Variants in ARPC1B observed in about 807,000 individuals in gnomAD.
ARPC1B encodes the protein actin-related protein 2/3 complex subunit 1B.
A neutral mutation model predicts 46.0 loss-of-function variants in ARPC1B; 29 were observed. The ratio of observed to expected loss-of-function variants is 0.63; its 90% CI spans 0.47 to 0.86. The LOEUF (loss-of-function observed/expected upper bound fraction) is 0.86. ARPC1B is among the 40% of genes least tolerant of loss of function. The pLI, the probability that ARPC1B is intolerant of heterozygous loss-of-function variation, is 0.00. For synonymous variants in ARPC1B, 201 were observed against 213.9 expected, an observed-to-expected ratio of 0.94 and a Z score of 0.53; for missense variants, 469 against 529.4, an observed-to-expected ratio of 0.89 and a Z score of 1.12.
rs913376617 is a variant in ARPC1B at position 99,394,592 on chromosome 7, C to T, written c.*103C>T. 3.8e-5 allele frequency: 60 copies of T among 1,585,232 alleles called. No homozygotes were observed. The highest frequency in any genetic ancestry group is 4.6e-5 in the Non-Finnish European group (54 of 1,165,242). ...GCTGAATGTTTCTGGGGTACCAATA[C>T]GAGTTCCCATAGGGGCTGCTCCCTC... is the stretch of plus-strand genomic sequence containing the variant. On this transcript the variant is annotated 3_prime_UTR_variant, in exon 10 of 10. Transcript: ENST00000646101.
chr7:99,392,697 C>G lies in ARPC1B; in HGVS notation c.810C>G (p.Phe270Leu). The G allele has an allele frequency of 6.5e-7, 1 of 1,542,286 alleles. No individual in the cohort carries two copies. The highest frequency in any genetic ancestry group is 8.8e-7 in the Non-Finnish European group (1 of 1,141,366). Residue 270 changes from phenylalanine (F) to leucine (L), a missense_variant, in exon 8 of 10, where the codon TTC (phenylalanine) becomes TTG (leucine). Coordinates refer to ENST00000646101, the MANE Select transcript of ARPC1B (RefSeq NM_005720.4). ...AAGHDCFPVL[F>L]TYDAAAGMLS... Reference sequence around the variant, plus strand: ...GCCACGACTGCTTCCCGGTGCTGTTCACCTATGACGCCGCCGCGGGGATGC... The same window carrying G: ...GCCACGACTGCTTCCCGGTGCTGTTGACCTATGACGCCGCCGCGGGGATGC...
rs986616545 is a variant in ARPC1B at position 99,374,755 on chromosome 7, C to T, written c.-40C>T. Reference sequence around the variant, plus strand: ...AGAGCCGGTTCGGCGCGTCGACTGCCCAGAGTCCGCGGCCGGGGCGCGGGA... The same window carrying T: ...AGAGCCGGTTCGGCGCGTCGACTGCTCAGAGTCCGCGGCCGGGGCGCGGGA... On this transcript the variant is annotated 5_prime_UTR_variant, in exon 1 of 10. Coordinates refer to ENST00000646101, the MANE Select transcript of ARPC1B (RefSeq NM_005720.4). This position sits in a 1 kb window ranked among gnomAD's most constrained non-coding sequence, Gnocchi z 5.0. 6.6e-6 allele frequency: 1 copy of T among 152,100 alleles called. No homozygotes were observed. The highest frequency in any genetic ancestry group is 2.0e-4 in the East Asian group (1 of 5,128). 9.4% of individuals were successfully genotyped at this position (152,100 alleles called of 1,614,324 possible).
intron 5 of ARPC1B, among the ~76,000 whole-genome samples, chr7:99,390,524 A>G (rs1794537989): frequency 1.3e-5 from 2 of 151,488 alleles, no homozygotes; most frequent in African/African-American, 4.9e-5. Flanking sequence ...CTACAGGCGC[A>G]TGCCACCATG....
At chr7:99,378,734 A>G (rs187047007) in intron 1 of ARPC1B, among the ~76,000 whole-genome samples, 96 of 151,616 alleles carry the variant, frequency 6.3e-4, no homozygotes, top group Non-Finnish European at 1.2e-3. Context: ...TCTTAGGACC[A>G]AATGGGTGTA....
Position 99,385,660 on chromosome 7 carries a change from G to T in ARPC1B, c.-13-42G>T, listed in dbSNP as rs764849403. On this transcript the variant is annotated intron_variant, in intron 1 of 9. Coordinates refer to ENST00000646101, the MANE Select transcript of ARPC1B (RefSeq NM_005720.4). The stretch of plus-strand genomic sequence containing the variant: ...TGGTATGGGTGAAGTCAGGGGCAAG[G>T]TTGGGGCTGACGTGGATTCTCTCTT... 59 of 1,559,462 alleles carry T rather than the reference G, an allele frequency of 3.8e-5. No individual in the cohort carries two copies. The Admixed American group carries it at 1.1e-3, about 29-fold the overall frequency.
rs774520107 is a variant in ARPC1B at position 99,391,133 on chromosome 7, G to C, written c.707+34G>C. The C allele has an allele frequency of 1.9e-6, 3 of 1,613,200 alleles. No homozygotes were observed. The African/African-American group carries it at 4.0e-5, about 22-fold the overall frequency. On this transcript the variant is annotated intron_variant, in intron 6 of 9. Transcript: ENST00000646101. ...AGGCCATCCCCAGGGGAGGAGGTGA[G>C]TGCAGAGGAGTGGGACACCGTGACT... is the stretch of plus-strand genomic sequence containing the variant.
At chr7:99,386,897 T>C in intron 3 of ARPC1B, 108 bp downstream of exon 3, 1 of 818,634 alleles carries the variant, frequency 1.2e-6, no homozygotes, top group Non-Finnish European at 2.0e-6. Context: ...CCACTCACCG[T>C]GAAACCCGGA....
upstream of ARPC1B, chr7:99,374,351 G>C (rs1793973504): frequency 6.6e-6 from 1 of 152,156 alleles, no homozygotes; most frequent in Non-Finnish European, 1.5e-5. This position sits in a 1 kb window ranked among gnomAD's most constrained non-coding sequence, Gnocchi z 5.0. Context: ...CTGCGTGTGA[G>C]CGCGGAGCCC....
rs374160496 is a variant in ARPC1B, at chr7:99,388,079, C to T, written c.210C>T (p.Cys70=). The T allele has an allele frequency of 2.5e-5, 41 of 1,613,216 alleles. No individual in the cohort carries two copies. The highest frequency in any genetic ancestry group is 1.8e-4 in the East Asian group (8 of 44,836). ...CCGAGAGTAACCGTATTGTGACCTGCGGCACAGACCGCAACGCCTACGTGT... is the reference window on the plus strand; with the variant it reads ...CCGAGAGTAACCGTATTGTGACCTGTGGCACAGACCGCAACGCCTACGTGT... The part of the protein sequence containing the change: ...WAPESNRIVT[C]GTDRNAYVWT... Residue 70 remains cysteine, a synonymous_variant, in exon 4 of 10, where the codon TGC becomes TGT. Transcript: ENST00000646101.
rs1287247069 is a variant in ARPC1B at position 99,386,777 on chromosome 7, G to A, written c.157G>A (p.Gly53Arg). Residue 53 changes from glycine (G) to arginine (R), a missense_variant, in exon 3 of 10, where the codon GGG becomes AGG. Gly to Arg is a moderately radical substitution (Grantham distance 125, BLOSUM62 -2). Coordinates refer to ENST00000646101, the MANE Select transcript of ARPC1B (RefSeq NM_005720.4). ...GGTGCACGAGCTCAAGGAGCACAAC[G>A]GGCAGGTGACAGGTATGTCAGGGTG... is the stretch of plus-strand genomic sequence containing the variant. ...TKVHELKEHN[G>R]QVTGIDWAPE... 3.1e-6 allele frequency: 5 copies of A among 1,613,610 alleles called. No individual in the cohort carries two copies. Among genetic ancestry groups the A allele is most frequent in the Non-Finnish European group, 2.5e-6 (3 of 1,179,712 alleles).
intron 9 of ARPC1B, 21 bp downstream of exon 9, chr7:99,394,140 CTTCCCGCCATGCCTCCCAGGTCAACCCT>C (rs1794685136): frequency 3.1e-6 from 5 of 1,611,072 alleles, no homozygotes; most frequent in Admixed American, 1.7e-5. Context: ...CCCCTCCTGG[CTTCCCGCCATGCCTCCCAGGTCAACCCT>C]TTCCCCCCAT....
intron 1 of ARPC1B, among the ~76,000 whole-genome samples, chr7:99,375,373 G>A (rs1679395682): frequency 6.6e-6 from 1 of 152,174 alleles, no homozygotes; most frequent in African/African-American, 2.4e-5. Flanking sequence ...GCCTCCCCCG[G>A]GCCAGGTCCG....
Position 99,394,635 on chromosome 7 carries a change from A to G in ARPC1B, c.*146A>G. 2 of 1,456,438 alleles carry G rather than the reference A, an allele frequency of 1.4e-6. No individual in the cohort carries two copies. The highest frequency in any genetic ancestry group is 1.4e-5 in the South Asian group (1 of 70,248). 90.2% of individuals were successfully genotyped at this position (1,456,438 alleles called of 1,614,324 possible). A position where few individuals can be genotyped will look rare whatever the true frequency, so the allele number is the denominator to read the frequency against. On this transcript the variant is annotated 3_prime_UTR_variant, in exon 10 of 10. Coordinates refer to ENST00000646101, the MANE Select transcript of ARPC1B (RefSeq NM_005720.4). ...GCTCCCTCAAAAAGGGAGGGGACAG[A>G]TGGGGAGCTTTTCTTACCTATTCAA...
intron 8 of ARPC1B, 48 bp from the exon 9 acceptor site, chr7:99,393,981 C>G: frequency 1.3e-6 from 2 of 1,592,354 alleles, no homozygotes; most frequent in Non-Finnish European, 1.7e-6. Flanking sequence ...GGGCCTGAGC[C>G]CAGCGCCAGC....
chr7:99,393,038 C>CCGGAACGGCGTCTGATGAGCGG (rs1794623092), intron 8 of ARPC1B, among the ~76,000 whole-genome samples, 162 bp downstream of exon 8: 1 of 152,194 alleles, frequency 6.6e-6, no homozygotes, highest in Non-Finnish European at 1.5e-5. Context: ...ACTCGCTGCG[C>CCGGAACGGCGTCTGATGAGCGG]CGGAACGGCG....
intron 1 of ARPC1B, among the ~76,000 whole-genome samples, chr7:99,385,308 G>C (rs778945897): frequency 5.3e-4 from 54 of 101,728 alleles, no homozygotes; most frequent in East Asian, 3.2e-3. Flanking sequence ...AGTTGGGTGG[G>C]GGGGGGGGGG....
chr7:99,389,422 C>T (rs866554277), intron 4 of ARPC1B: 8 of 156,958 alleles, frequency 5.1e-5, no homozygotes, highest in South Asian at 1.8e-4. Context: ...GGTCTTGTCA[C>T]GTTGTCCAGG....
At position 99,381,050 on chromosome 7, in the gene ARPC1B, G is replaced by A. The variant is rs1039620552; in HGVS notation, c.-13-4652G>A. On this transcript the variant is annotated intron_variant, in intron 1 of 9. Coordinates refer to ENST00000646101, the MANE Select transcript of ARPC1B (RefSeq NM_005720.4). ...TGCACAGTGCTGGCATCAGATGTGGGTGGTGATGTCCCAGCCTGGGAACAC... is the reference window on the plus strand; with the variant it reads ...TGCACAGTGCTGGCATCAGATGTGGATGGTGATGTCCCAGCCTGGGAACAC... Among the ~76,000 whole-genome samples the A allele has an allele frequency of 2.0e-5, 3 of 152,318 alleles. No individual in the cohort carries two copies. The East Asian group carries it at 5.8e-4, about 29-fold the overall frequency.
intron 1 of ARPC1B, among the ~76,000 whole-genome samples, chr7:99,379,942 G>C (rs1794161686): frequency 6.6e-6 from 1 of 152,102 alleles, no homozygotes; most frequent in Non-Finnish European, 1.5e-5. Context: ...ACTGTGCCCG[G>C]CTATCCCCTC....
Sources: gnomAD v4.1 joint callset for allele counts (sites outside exome capture counted in the v4.1 genomes callset) on GRCh38, gnomAD v4.1.1 for gene constraint, Gnocchi (gnomAD v3.1) non-coding constraint, MANE v1.5 for transcripts, NCBI Gene and HGNC (gene_info 2026-07-23, HGNC 2026-07-21) for gene names.